ITGA8: variants seen among roughly 807,000 people sequenced by gnomAD.
ITGA8 encodes integrin alpha-8.
Under a neutral mutation model 142.3 loss-of-function variants are expected in ITGA8, and 91 were observed. The ratio of observed to expected loss-of-function variants is 0.64; its 90% confidence interval spans 0.54 to 0.76. ITGA8 has a LOEUF of 0.76. Ranked by LOEUF, ITGA8 falls within the 30% of genes least tolerant of loss-of-function variation. The probability of loss-of-function intolerance (pLI) is 0.00; values close to 1 mark genes in which losing one functional copy is unlikely to be tolerated. For synonymous variants in ITGA8, 505 were observed against 485.2 expected (o/e 1.04, Z -0.54); for missense variants, 1,406 against 1,327.7 (o/e 1.06, Z -0.92).
chr10:15,681,899 T>C (rs1564406733), intron 4 of ITGA8, among the ~76,000 whole-genome samples: 1 of 152,202 alleles, frequency 6.6e-6, no homozygotes, highest in Non-Finnish European at 1.5e-5. Flanking sequence ...CTACCATTCA[T>C]TTTCTGATAT....
At chr10:15,715,056 A>T in intron 2 of ITGA8, among the ~76,000 whole-genome samples, 1 of 152,132 alleles carries the variant, frequency 6.6e-6, no homozygotes, top group East Asian at 1.9e-4. Context: ...GCGGATGTCA[A>T]TTTGGGGCCA....
intron 26 of ITGA8, among the ~76,000 whole-genome samples, chr10:15,549,641 GC>G (rs1291238625): frequency 3.3e-5 from 5 of 151,972 alleles, no homozygotes; most frequent in Non-Finnish European, 7.4e-5. Context: ...TTATCTTGTG[GC>G]CCATGCGTAT....
At chr10:15,545,396 T>A (rs560091036) in intron 27 of ITGA8, among the ~76,000 whole-genome samples, 40 of 152,370 alleles carry the variant, frequency 2.6e-4, no homozygotes, top group Middle Eastern at 3.4e-3. Flanking sequence ...CCCTCTGGAC[T>A]ATTGCAGTAG....
At chr10:15,571,838 C>A (rs145023019) in intron 25 of ITGA8, among the ~76,000 whole-genome samples, 2 of 152,276 alleles carry the variant, frequency 1.3e-5, no homozygotes, top group African/African-American at 4.8e-5. Flanking sequence ...AAGATCCTTA[C>A]GAAATTTGGC....
intron 8 of ITGA8, among the ~76,000 whole-genome samples, chr10:15,669,940 A>G (rs185754894): frequency 4.6e-4 from 70 of 152,246 alleles, no homozygotes; most frequent in African/African-American, 1.6e-3. Context: ...GGTCCTTCCC[A>G]GTTAGGCTAC....
At chr10:15,622,691 T>C (rs541814679) in intron 13 of ITGA8, among the ~76,000 whole-genome samples, 1 of 152,256 alleles carries the variant, frequency 6.6e-6, no homozygotes, top group Admixed American at 6.5e-5. Flanking sequence ...TAAATGTTAA[T>C]ATTTTTCAAT....
chr10:15,605,442 A>G (rs966214735), intron 19 of ITGA8, among the ~76,000 whole-genome samples: 1 of 151,926 alleles, frequency 6.6e-6, no homozygotes, highest in African/African-American at 2.4e-5. Context: ...ACATAACCCG[A>G]GCCACCCCAT....
intron 25 of ITGA8, 118 bp from the exon 26 acceptor site, chr10:15,558,320 T>G: frequency 8.6e-7 from 1 of 1,165,422 alleles, no homozygotes; most frequent in Non-Finnish European, 1.2e-6. Flanking sequence ...CACATGAGGA[T>G]CCAGACCTGT....
Position 15,597,265 on chromosome 10 carries a change from T to G in ITGA8, c.2153A>C (p.Glu718Ala). The G allele has an allele frequency of 1.2e-6, 2 of 1,614,122 alleles. No homozygotes were observed. Among genetic ancestry groups the G allele is most frequent in the Non-Finnish European group, 1.7e-6 (2 of 1,179,990 alleles). ...ACACACCACCATCCTGGTTACATTTTCCATCTTGTACTCACAGCTCAGTGG... is the reference window on the plus strand; with the variant it reads ...ACACACCACCATCCTGGTTACATTTGCCATCTTGTACTCACAGCTCAGTGG... Reference protein sequence around the residue: ...FRPLSCEYKMENVTRMVVCDL... With the variant: ...FRPLSCEYKMANVTRMVVCDL... Residue 718 changes from glutamate to alanine, a missense_variant, in exon 21 of 30, where the codon GAA (glutamate) becomes GCA (alanine). By Grantham distance (107) the Glu-to-Ala change is moderately radical. Coordinates refer to ENST00000378076, the MANE Select transcript of ITGA8 (RefSeq NM_003638.3).
At chr10:15,562,422 G>T (rs1291202749) in intron 25 of ITGA8, among the ~76,000 whole-genome samples, 1 of 152,118 alleles carries the variant, frequency 6.6e-6, no homozygotes, top group Admixed American at 6.5e-5. Context: ...TCAGGGCAGG[G>T]GCTTGGAAGG....
At chr10:15,664,380 A>C (rs189328924) in intron 8 of ITGA8, among the ~76,000 whole-genome samples, 11 of 152,320 alleles carry the variant, frequency 7.2e-5, no homozygotes, top group African/African-American at 2.6e-4. Flanking sequence ...CAAAGGAAAA[A>C]ATAAAACCTG....
chr10:15,589,831 T>C (rs1388637293), intron 22 of ITGA8, among the ~76,000 whole-genome samples: 1 of 151,198 alleles, frequency 6.6e-6, no homozygotes, highest in East Asian at 1.9e-4. Flanking sequence ...GGCGCAATCT[T>C]GACTCGCTGC....
At position 15,644,544 on chromosome 10, in the gene ITGA8, G is replaced by T. The variant is rs185840731; in HGVS notation, c.1208-323C>A. On this transcript the variant is annotated intron_variant, in intron 12 of 29. Coordinates refer to ENST00000378076, the MANE Select transcript of ITGA8 (RefSeq NM_003638.3). ...GGTCCTTGCTTTGTTGCCCAGGATGGTCTGGAATTCCTGGCCTCAAGTGAT... is the reference window on the plus strand; with the variant it reads ...GGTCCTTGCTTTGTTGCCCAGGATGTTCTGGAATTCCTGGCCTCAAGTGAT... Among the ~76,000 whole-genome samples, 228 of 135,508 alleles carry T rather than the reference G, an allele frequency of 1.7e-3. 2 individuals carry two copies. Among genetic ancestry groups the T allele is most frequent in the African/African-American group, 4.8e-3 (176 of 36,408 alleles). 88.9% of individuals were successfully genotyped at this position (135,508 alleles called of 152,430 possible). A position where few individuals can be genotyped will look rare whatever the true frequency, so the allele number is the denominator to read the frequency against.
intron 28 of ITGA8, among the ~76,000 whole-genome samples, chr10:15,529,153 T>A (rs1480783326): frequency 6.6e-6 from 1 of 152,088 alleles, no homozygotes; most frequent in Non-Finnish European, 1.5e-5. Context: ...CATGCGATCA[T>A]AGCTCACTGT....
At chr10:15,673,435 A>G (rs183722251) in intron 6 of ITGA8, among the ~76,000 whole-genome samples, 33 of 152,268 alleles carry the variant, frequency 2.2e-4, no homozygotes, top group African/African-American at 7.2e-4. Flanking sequence ...CTTTGAGATC[A>G]TTTGGTCAAA....
At chr10:15,565,645 A>G (rs979919889) in intron 25 of ITGA8, among the ~76,000 whole-genome samples, 2 of 112,848 alleles carry the variant, frequency 1.8e-5, no homozygotes, top group Admixed American at 1.4e-4. Context: ...ACTGGAGTGT[A>G]GTGACGTGAT....
intron 25 of ITGA8, among the ~76,000 whole-genome samples, chr10:15,560,306 C>A (rs769543435): frequency 1.3e-5 from 2 of 152,022 alleles, no homozygotes; most frequent in African/African-American, 2.4e-5. Flanking sequence ...AAAAAAAGAA[C>A]AAAATTACAG....
At chr10:15,521,579 A>G (rs1354591939) in intron 28 of ITGA8, among the ~76,000 whole-genome samples, 1 of 152,172 alleles carries the variant, frequency 6.6e-6, no homozygotes, top group Non-Finnish European at 1.5e-5. Flanking sequence ...TCTTCATGAG[A>G]AAAAGGCTGG....
chr10:15,660,834 A>C (rs376515579), intron 9 of ITGA8, 45 bp downstream of exon 9: 1 of 1,462,656 alleles, frequency 6.8e-7, no homozygotes, highest in Non-Finnish European at 9.6e-7. Context: ...AGGAGCACCT[A>C]TACAAGAAAA....
Sources: allele counts gnomAD v4.1 joint callset (sites outside exome capture counted in the v4.1 genomes callset), GRCh38; gene constraint gnomAD v4.1.1; transcripts MANE v1.5; gene names NCBI Gene and HGNC (gene_info 2026-07-23, HGNC 2026-07-21).